FAF1: variants seen among roughly 807,000 people sequenced by gnomAD.
FAF1 encodes Fas associated factor 1, also known as FAS-associated factor 1.
In FAF1, 25 loss-of-function variants were observed where a neutral mutation model predicts 92.5. That is an observed-to-expected ratio of 0.27 (90% CI 0.20 to 0.38). FAF1 has a LOEUF of 0.38. Ranked by LOEUF, FAF1 falls within the 10% of genes least tolerant of loss-of-function variation. FAF1 has a pLI of 1.00. For synonymous variants in FAF1, 234 were observed against 273.2 expected (o/e 0.86, Z 1.42); for missense variants, 636 against 793.3 (o/e 0.80, Z 2.38).
intron 1 of FAF1, among the ~76,000 whole-genome samples, chr1:50,917,688 GGAAAGGAAA>G (rs1557588609): frequency 2.4e-5 from 3 of 124,912 alleles, no homozygotes; most frequent in Non-Finnish European, 3.4e-5. Context: ...GGAAAGGAAA[GGAAAGGAAA>G]GGAAAAGAAA....
chr1:50,558,778 A>C (rs942314732), intron 13 of FAF1, among the ~76,000 whole-genome samples: 1 of 152,252 alleles, frequency 6.6e-6, no homozygotes, highest in African/African-American at 2.4e-5. Context: ...TAATTAGATT[A>C]GTGCAGAGGA....
intron 8 of FAF1, among the ~76,000 whole-genome samples, chr1:50,653,852 A>G (rs557711751): frequency 1.2e-4 from 19 of 152,250 alleles, no homozygotes; most frequent in Admixed American, 3.9e-4. Context: ...ACTGGGCGAT[A>G]GAGCAAGATT....
intron 5 of FAF1, 98 bp downstream of exon 5, chr1:50,744,586 C>T: frequency 2.7e-6 from 2 of 754,630 alleles, no homozygotes; most frequent in African/African-American, 1.8e-5. Context: ...TCTACTACTG[C>T]CATATGTAAC....
At chr1:50,698,493 T>C (rs539952565) in intron 7 of FAF1, among the ~76,000 whole-genome samples, 5 of 152,296 alleles carry the variant, frequency 3.3e-5, no homozygotes, top group Admixed American at 2.6e-4. Flanking sequence ...CTAACTGAGG[T>C]TCTGCCTTTA....
chr1:50,441,583 G>A lies in FAF1; in HGVS notation c.1870-60C>T, dbSNP rs1646166847. ...AAACAAGCACTATATTCTCTACATG[G>A]CCTTCATTTTATCTATGCACACTGA... On this transcript the variant is annotated intron_variant, in intron 18 of 18. Coordinates refer to ENST00000396153, the MANE Select transcript of FAF1 (RefSeq NM_007051.3). 5.2e-6 allele frequency: 5 copies of A among 968,726 alleles called. No homozygotes were observed. In the East Asian group the frequency reaches 1.4e-4, roughly 27 times the overall value. 60.0% of individuals were successfully genotyped at this position (968,726 alleles called of 1,614,324 possible). A position where few individuals can be genotyped will look rare whatever the true frequency, so the allele number is the denominator to read the frequency against.
At chr1:50,457,143 G>T (rs915505040) in intron 18 of FAF1, among the ~76,000 whole-genome samples, 4 of 148,262 alleles carry the variant, frequency 2.7e-5, no homozygotes, top group African/African-American at 1.0e-4. Flanking sequence ...AATTAGAGGA[G>T]GGAAAGTGAA....
intron 17 of FAF1, among the ~76,000 whole-genome samples, chr1:50,484,198 C>T (rs1412925304): frequency 6.6e-6 from 1 of 152,114 alleles, no homozygotes; most frequent in Non-Finnish European, 1.5e-5. Context: ...TTCCTGGCAA[C>T]CTGGAGAGTA....
intron 15 of FAF1, among the ~76,000 whole-genome samples, chr1:50,525,190 T>C (rs1469207813): frequency 6.6e-6 from 1 of 152,076 alleles, no homozygotes; most frequent in Admixed American, 6.5e-5. Flanking sequence ...CTGGCCCCCA[T>C]ATGTATTTTA....
intron 1 of FAF1, among the ~76,000 whole-genome samples, chr1:50,881,567 T>C (rs1644612603): frequency 6.6e-6 from 1 of 152,188 alleles, no homozygotes; most frequent in South Asian, 2.1e-4. Context: ...CCACATATTA[T>C]GATACAGAGG....
intron 7 of FAF1, among the ~76,000 whole-genome samples, chr1:50,684,257 CTTTTTTT>C (rs756495229): frequency 8.7e-5 from 10 of 114,440 alleles, no homozygotes; most frequent in South Asian, 5.7e-4. Flanking sequence ...TTCCAACAGA[CTTTTTTT>C]TTTTTTTTTT....
At chr1:50,716,407 A>C (rs1354868309) in intron 6 of FAF1, among the ~76,000 whole-genome samples, 1 of 152,220 alleles carries the variant, frequency 6.6e-6, no homozygotes, top group East Asian at 1.9e-4. Flanking sequence ...CATCAAAATT[A>C]AACAACTAGA....
At chr1:50,494,378 T>C (rs1646874940) in intron 15 of FAF1, among the ~76,000 whole-genome samples, 2 of 152,248 alleles carry the variant, frequency 1.3e-5, no homozygotes, top group Non-Finnish European at 2.9e-5. Context: ...TCTTGTATTC[T>C]ACAAATACTG....
chr1:50,619,805 G>A lies in FAF1; in HGVS notation c.745-23589C>T, dbSNP rs116206962. Among the ~76,000 whole-genome samples the A allele has an allele frequency of 7.1e-3, 1,085 of 152,120 alleles. 18 individuals are homozygous for A. Among genetic ancestry groups the A allele is most frequent in the African/African-American group, 0.024 (1,013 of 41,492 alleles). ...TATCAATTTTTGTAGTGAGATTAGG[G>A]AAATTTTCATGGACTATATCCTCAA... On this transcript the variant is annotated intron_variant, in intron 8 of 18. Transcript: ENST00000396153.
At chr1:50,500,719 C>T (rs1232576393) in intron 15 of FAF1, among the ~76,000 whole-genome samples, 2 of 151,902 alleles carry the variant, frequency 1.3e-5, no homozygotes, top group Non-Finnish European at 1.5e-5. Context: ...TTGAGTGTGC[C>T]TATGTTAAAG....
intron 15 of FAF1, among the ~76,000 whole-genome samples, chr1:50,505,126 C>A (rs1011828133): frequency 1.2e-4 from 19 of 152,048 alleles, no homozygotes; most frequent in African/African-American, 4.6e-4. Flanking sequence ...TTTTTGCTTT[C>A]AGGAAAGACA....
chr1:50,620,249 T>C (rs1015295186), intron 8 of FAF1, among the ~76,000 whole-genome samples: 1 of 152,146 alleles, frequency 6.6e-6, no homozygotes, highest in African/African-American at 2.4e-5. Flanking sequence ...CTTGGAGGTT[T>C]TGTTCATTGT....
At chr1:50,866,804 C>G (rs1474047184) in intron 1 of FAF1, among the ~76,000 whole-genome samples, 2 of 152,054 alleles carry the variant, frequency 1.3e-5, no homozygotes, top group African/African-American at 2.4e-5. Flanking sequence ...CATCAAAATA[C>G]CATCATCATT....
chr1:50,649,727 G>A (rs1654767257), intron 8 of FAF1, among the ~76,000 whole-genome samples: 1 of 150,544 alleles, frequency 6.6e-6, no homozygotes, highest in East Asian at 2.0e-4. Flanking sequence ...TGGATCACAA[G>A]GTCAGGAGTT....
chr1:50,827,636 AAAT>A (rs988210890), intron 2 of FAF1, among the ~76,000 whole-genome samples: 1 of 140,696 alleles, frequency 7.1e-6, no homozygotes, highest in Non-Finnish European at 1.5e-5. Flanking sequence ...AAATACTAAA[AAAT>A]AAATAAATAA....
Sources: gnomAD v4.1 joint callset for allele counts (sites outside exome capture counted in the v4.1 genomes callset) on GRCh38, gnomAD v4.1.1 for gene constraint, MANE v1.5 for transcripts, NCBI Gene and HGNC (gene_info 2026-07-23, HGNC 2026-07-21) for gene names.